MGST1: variants seen among roughly 807,000 people sequenced by gnomAD.
MGST1 encodes the protein microsomal glutathione S-transferase 1.
MGST1 carries 5 observed loss-of-function variants against 8.9 expected under a neutral mutation model. That is an observed-to-expected ratio of 0.56 (90% CI 0.29 to 1.19). MGST1 has a LOEUF of 1.19. MGST1 is among the 50% of genes most tolerant of loss of function. MGST1 has a pLI of 0.08. For missense variants in MGST1, 182 were observed against 187.4 expected, an observed-to-expected ratio of 0.97 and a Z score of 0.17; for synonymous variants, 54 against 67.8, an observed-to-expected ratio of 0.80 and a Z score of 1.00.
rs1194099233 is a variant in MGST1, at chr12:16,576,074, T to G, written n.483-13454T>G. ...CTCTTTTGTCTCAGTAAGCTACTTC[T>G]AGCGCGCATCGCTTCTCCCTTGCAC... On this transcript the variant is annotated intron_variant and non_coding_transcript_variant, in intron 4 of 4. Coordinates refer to the MGST1 transcript ENST00000538857. The surrounding 1 kb of genome is among the most constrained non-coding windows in gnomAD (Gnocchi z 4.1). Among the ~76,000 whole-genome samples, 3 of 152,172 alleles carry G rather than the reference T, an allele frequency of 2.0e-5. No homozygotes were observed. Among genetic ancestry groups the G allele is most frequent in the African/African-American group, 7.2e-5 (3 of 41,448 alleles).
At chr12:16,440,775 G>A (rs1345433982), downstream of MGST1, among the ~76,000 whole-genome samples, 6 of 151,750 alleles carry the variant, frequency 4.0e-5, no homozygotes, top group African/African-American at 7.2e-5. Context: ...GCATTGGATT[G>A]TTGAGTTATA....
rs538768811 is a variant in MGST1 at position 16,370,141 on chromosome 12, A to G, written c.222-5981A>G. The G allele has an allele frequency of 2.0e-5, 3 of 152,324 alleles. No individual in the cohort carries two copies. In the South Asian group the frequency reaches 6.2e-4, roughly 32 times the overall value. The allele number at this position is 152,324 out of a possible 1,614,324, so 9.4% of individuals were successfully genotyped here. A position where few individuals can be genotyped will look rare whatever the true frequency, so the allele number is the denominator to read the frequency against. On this transcript the variant is annotated intron_variant, in intron 3 of 3. Coordinates refer to the MGST1 transcript ENST00000535309. ...ACAGCATTTATTCTAATGTGTCATAATTTTATCAGATTAGTGGTAATCTGT... is the reference window on the plus strand; with the variant it reads ...ACAGCATTTATTCTAATGTGTCATAGTTTTATCAGATTAGTGGTAATCTGT...
At chr12:16,526,548 A>G (rs1479974736) in intron 4 of MGST1, among the ~76,000 whole-genome samples, 2 of 152,018 alleles carry the variant, frequency 1.3e-5, no homozygotes, top group South Asian at 2.1e-4. Flanking sequence ...TAAAATTCCT[A>G]TAAACGTGTT....
intron 1 of MGST1, among the ~76,000 whole-genome samples, chr12:16,421,465 C>G (rs1161840812): frequency 6.6e-6 from 1 of 152,158 alleles, no homozygotes; most frequent in Non-Finnish European, 1.5e-5. Flanking sequence ...ACTAATTCCC[C>G]AAATGGGATC....
At chr12:16,353,214 T>C (rs1939552356) in intron 1 of MGST1, among the ~76,000 whole-genome samples, 1 of 151,938 alleles carries the variant, frequency 6.6e-6, no homozygotes, top group Admixed American at 6.6e-5. Flanking sequence ...TTTGTATTTT[T>C]AGTAGAGACG....
In MGST1 at chr12:16,401,801, A is replaced by G; in HGVS notation, n.778+18197A>G. On this transcript the variant is annotated intron_variant and non_coding_transcript_variant, in intron 1 of 1. Transcript: ENST00000359720. This position sits in a 1 kb window ranked among gnomAD's most constrained non-coding sequence, Gnocchi z 4.3. Reference sequence around the variant, plus strand: ...TGCTGTGTCAAACTTTCTCATCTGCATCAACTATTTCCATGACTCTTTCCT... The same window carrying G: ...TGCTGTGTCAAACTTTCTCATCTGCGTCAACTATTTCCATGACTCTTTCCT... 6.2e-7 allele frequency: 1 copy of G among 1,603,732 alleles called. No individual in the cohort carries two copies. The highest frequency in any genetic ancestry group is 1.1e-5 in the South Asian group (1 of 90,872).
intron 4 of MGST1, among the ~76,000 whole-genome samples, chr12:16,520,410 A>C (rs1393467556): frequency 1.3e-5 from 2 of 152,170 alleles, no homozygotes; most frequent in Non-Finnish European, 2.9e-5. Flanking sequence ...AACTGTATGC[A>C]CAGGGTGAGG....
At position 16,586,400 on chromosome 12, in the gene MGST1, T is replaced by A. The variant is rs544495094; in HGVS notation, n.483-3128T>A. Among the ~76,000 whole-genome samples, 1 of 152,270 alleles carries A rather than the reference T, an allele frequency of 6.6e-6. No homozygotes were observed. The highest frequency in any genetic ancestry group is 2.1e-4 in the South Asian group (1 of 4,832). On this transcript the variant is annotated intron_variant and non_coding_transcript_variant, in intron 4 of 4. Coordinates refer to the MGST1 transcript ENST00000538857. This position sits in a 1 kb window ranked among gnomAD's most constrained non-coding sequence, Gnocchi z 4.3. ...TGGCAAGGAGAGCGGAGGATCCTAA[T>A]CTTCCCCAGCAAGGCTTTCTGGTTC...
At chr12:16,400,765 T>C in intron 1 of MGST1, 1 of 1,268,338 alleles carries the variant, frequency 7.9e-7, no homozygotes, top group Non-Finnish European at 1.2e-6. Flanking sequence ...TATTCTTGAT[T>C]GTGGCAATGT....
chr12:16,436,739 C>T (rs1039837066), intron 1 of MGST1, among the ~76,000 whole-genome samples: 3 of 151,892 alleles, frequency 2.0e-5, no homozygotes, highest in African/African-American at 7.2e-5. Context: ...CAATAGTGTA[C>T]AGAAGGAGAA....
At chr12:16,384,754 A>C (rs1170261565) in intron 1 of MGST1, among the ~76,000 whole-genome samples, 1 of 152,388 alleles carries the variant, frequency 6.6e-6, no homozygotes, top group East Asian at 1.9e-4. Context: ...AAAGCATAGT[A>C]ATATTGGTCA....
downstream of MGST1, among the ~76,000 whole-genome samples, chr12:16,592,200 G>A (rs1226863624): frequency 6.6e-6 from 1 of 151,986 alleles, no homozygotes; most frequent in Non-Finnish European, 1.5e-5. Context: ...TTTGTCAAGT[G>A]ACTAAATGGT....
chr12:16,557,249 AG>A (rs1483395379), intron 4 of MGST1, among the ~76,000 whole-genome samples: 1 of 152,184 alleles, frequency 6.6e-6, no homozygotes, highest in Non-Finnish European at 1.5e-5. Flanking sequence ...AAATGGACAA[AG>A]GACATAAACT....
Position 16,577,357 on chromosome 12 carries a change from C to T in MGST1, n.483-12171C>T, listed in dbSNP as rs141068288. On this transcript the variant is annotated intron_variant and non_coding_transcript_variant, in intron 4 of 4. Coordinates refer to the MGST1 transcript ENST00000538857. ...ATCACAATTCTTCCATGAAGGCCTC[C>T]TAAATAAGCTGAGTTATTAAAATCA... Among the ~76,000 whole-genome samples, 479 of 152,222 alleles carry T rather than the reference C, an allele frequency of 3.1e-3. 6 individuals carry two copies. Among genetic ancestry groups the T allele is most frequent in the African/African-American group, 0.01 (429 of 41,552 alleles).
chr12:16,588,040 C>A (rs1943375482), intron 4 of MGST1, among the ~76,000 whole-genome samples: 1 of 152,022 alleles, frequency 6.6e-6, no homozygotes, highest in Admixed American at 6.6e-5. Flanking sequence ...GGTATTTTCC[C>A]CCTTTTATTC....
At chr12:16,583,134 A>G (rs144743083) in intron 4 of MGST1, among the ~76,000 whole-genome samples, 1 of 152,072 alleles carries the variant, frequency 6.6e-6, no homozygotes, top group Non-Finnish European at 1.5e-5. Flanking sequence ...GATCAACACT[A>G]TTAAAAGAGA....
chr12:16,463,364 A>C lies in MGST1; in HGVS notation n.482+79760A>C, dbSNP rs12580579. Among the ~76,000 whole-genome samples the C allele has an allele frequency of 9.4e-3, 1,384 of 147,546 alleles. 76 individuals are homozygous for C. The East Asian group carries it at 0.18, about 19-fold the overall frequency. On this transcript the variant is annotated intron_variant and non_coding_transcript_variant, in intron 4 of 4. Coordinates refer to the MGST1 transcript ENST00000538857. ...CATGTCCAGCTTCACTTTTTTCTTA[A>C]GAGAAAGAGATTGGCAATAATTTTT...
chr12:16,357,742 T>C, intron 3 of MGST1, 43 bp downstream of exon 3: 1 of 1,566,160 alleles, frequency 6.4e-7, no homozygotes, highest in Non-Finnish European at 8.8e-7. Flanking sequence ...ATGAAACAAT[T>C]TTGGTCAAGG....
chr12:16,435,952 A>G (rs997898530), intron 1 of MGST1, among the ~76,000 whole-genome samples: 3 of 151,056 alleles, frequency 2.0e-5, no homozygotes, highest in South Asian at 2.1e-4. Context: ...TAGAGTCTGT[A>G]TGATATCTTT....
Sources: gnomAD v4.1 joint callset for allele counts (sites outside exome capture counted in the v4.1 genomes callset) on GRCh38, gnomAD v4.1.1 for gene constraint, Gnocchi (gnomAD v3.1) non-coding constraint, MANE v1.5 for transcripts, NCBI Gene and HGNC (gene_info 2026-07-23, HGNC 2026-07-21) for gene names.